SGMS1: variants seen among roughly 807,000 people sequenced by gnomAD.
The protein encoded by SGMS1 is sphingomyelin synthase 1.
A neutral mutation model predicts 46.2 loss-of-function variants in SGMS1; 13 were observed. That is an observed-to-expected ratio of 0.28 (90% CI 0.18 to 0.45). The LOEUF (loss-of-function observed/expected upper bound fraction) is 0.45, where lower values mean the gene tolerates loss of function less well. SGMS1 is among the 20% of genes least tolerant of loss of function. The probability of loss-of-function intolerance (pLI) is 1.00; values close to 1 mark genes in which losing one functional copy is unlikely to be tolerated. For synonymous variants in SGMS1, 203 were observed against 187.8 expected (o/e 1.08, Z -0.66); for missense variants, 324 against 519.9 (o/e 0.62, Z 3.66).
At chr10:50,617,311 C>G (rs1838807509) in intron 1 of SGMS1, among the ~76,000 whole-genome samples, 2 of 152,010 alleles carry the variant, frequency 1.3e-5, no homozygotes, top group African/African-American at 4.8e-5. Flanking sequence ...ATGAAAGGAA[C>G]CAGACACAAA....
intron 2 of SGMS1, among the ~76,000 whole-genome samples, chr10:50,569,151 G>C (rs536719354): frequency 6.6e-6 from 1 of 151,982 alleles, no homozygotes; most frequent in South Asian, 2.1e-4. Context: ...GGGGCCTGTC[G>C]GGGGGTGGGA....
At chr10:50,435,106 G>A (rs1326193469) in intron 5 of SGMS1, among the ~76,000 whole-genome samples, 1 of 152,156 alleles carries the variant, frequency 6.6e-6, no homozygotes, top group Non-Finnish European at 1.5e-5. Context: ...CTCTTTACAT[G>A]AATGAGAAAC....
At chr10:50,467,215 T>C (rs1837338422) in intron 3 of SGMS1, among the ~76,000 whole-genome samples, 1 of 152,092 alleles carries the variant, frequency 6.6e-6, no homozygotes, top group South Asian at 2.1e-4. Context: ...TTTAAAACCA[T>C]GGACCTTTAT....
chr10:50,604,138 T>TAAG (rs1838673056), intron 1 of SGMS1, among the ~76,000 whole-genome samples: 1 of 152,254 alleles, frequency 6.6e-6, no homozygotes, highest in East Asian at 1.9e-4. Flanking sequence ...CTGCACAGTC[T>TAAG]AAGCTCTGAT....
intron 1 of SGMS1, among the ~76,000 whole-genome samples, chr10:50,622,162 T>A (rs148486721): frequency 6.6e-6 from 1 of 152,280 alleles, no homozygotes; most frequent in Admixed American, 6.5e-5. Context: ...ACCTGCTGAA[T>A]CACCAAACAT....
chr10:50,472,955 C>T (rs187124809), intron 3 of SGMS1: 5 of 152,246 alleles, frequency 3.3e-5, no homozygotes, highest in Admixed American at 3.3e-4. Context: ...ATTCCCATCA[C>T]CTGGCTTAGA....
chr10:50,506,603 G>A (rs1837708951), intron 3 of SGMS1, among the ~76,000 whole-genome samples: 1 of 152,168 alleles, frequency 6.6e-6, no homozygotes, highest in Non-Finnish European at 1.5e-5. Context: ...AGGCAGCAAA[G>A]CAGAGCTGCC....
chr10:50,508,144 T>C (rs1405279446), intron 3 of SGMS1, among the ~76,000 whole-genome samples: 1 of 152,134 alleles, frequency 6.6e-6, no homozygotes, highest in Non-Finnish European at 1.5e-5. Context: ...ACTACAGTCG[T>C]TTATTCTGTG....
chr10:50,569,616 T>A (rs1056208189), intron 2 of SGMS1, among the ~76,000 whole-genome samples: 1 of 152,150 alleles, frequency 6.6e-6, no homozygotes. Context: ...TGGGGTAGAT[T>A]TCTTATCAGA....
chr10:50,615,539 T>A lies in SGMS1; in HGVS notation c.-684+8168A>T, dbSNP rs75742394. Among the ~76,000 whole-genome samples, 54 of 152,272 alleles carry A rather than the reference T, an allele frequency of 3.5e-4. 3 individuals carry two copies. In the East Asian group the frequency reaches 9.1e-3, roughly 26 times the overall value. On this transcript the variant is annotated intron_variant, in intron 1 of 10. Transcript: ENST00000361781. The stretch of plus-strand genomic sequence containing the variant: ...CAGCTTCTACACGATGAGGCTGAGA[T>A]CCAAACCCAGGGTCCAGGGTCAGGG...
At chr10:50,578,717 A>G (rs1311725089) in intron 2 of SGMS1, among the ~76,000 whole-genome samples, 1 of 152,160 alleles carries the variant, frequency 6.6e-6, no homozygotes, top group Admixed American at 6.5e-5. Flanking sequence ...TAAGACTTCT[A>G]TATTGATTTC....
chr10:50,390,022 C>T (rs747351540), intron 6 of SGMS1, among the ~76,000 whole-genome samples: 1 of 152,156 alleles, frequency 6.6e-6, no homozygotes, highest in Non-Finnish European at 1.5e-5. Context: ...CCATAATACC[C>T]ATTACTCCTG....
At chr10:50,476,559 A>G (rs1023429290) in intron 3 of SGMS1, among the ~76,000 whole-genome samples, 40 of 152,218 alleles carry the variant, frequency 2.6e-4, no homozygotes, top group Admixed American at 1.2e-3. Context: ...GAACGTTAAT[A>G]GCCAACACAA....
chr10:50,421,427 T>TC (rs1384095059), intron 6 of SGMS1, among the ~76,000 whole-genome samples: 1 of 152,116 alleles, frequency 6.6e-6, no homozygotes, highest in Non-Finnish European at 1.5e-5. Context: ...CAAATTCCAT[T>TC]CCCCACCTGA....
At position 50,380,378 on chromosome 10, in the gene SGMS1, C is replaced by CAA. The variant is rs10646459; in HGVS notation, c.-231-36035_-231-36034dup. Among the ~76,000 whole-genome samples, 21 of 121,512 alleles carry CAA rather than the reference C, an allele frequency of 1.7e-4. 1 individual carries two copies. Among genetic ancestry groups the CAA allele is most frequent in the African/African-American group, 4.2e-4 (14 of 33,426 alleles). The allele number at this position is 121,512 out of a possible 152,430, so 79.7% of individuals were successfully genotyped here. On this transcript the variant is annotated intron_variant, in intron 6 of 10. Transcript: ENST00000361781. ...TGGGCAACACAGTAAGACTCTGTATCAAAAAAAAAAAAAAAAATTCCTCTC... is the reference window on the plus strand; with the variant it reads ...TGGGCAACACAGTAAGACTCTGTATCAAAAAAAAAAAAAAAAAAATTCCTCTC...
chr10:50,583,333 G>A (rs11006213), intron 2 of SGMS1, among the ~76,000 whole-genome samples: 19,652 of 152,148 alleles, frequency 0.13, 1,666 homozygotes, highest in Non-Finnish European at 0.19. Context: ...AATAATTAGT[G>A]TACCTCCCAG....
chr10:50,541,066 T>C (rs1384396568), intron 2 of SGMS1, among the ~76,000 whole-genome samples: 1 of 152,182 alleles, frequency 6.6e-6, no homozygotes, highest in African/African-American at 2.4e-5. Context: ...ATACATTCAA[T>C]TAGAAACTCC....
At position 50,550,339 on chromosome 10, in the gene SGMS1, AC is replaced by A. The variant is rs557838231; in HGVS notation, c.-588-30419del. On this transcript the variant is annotated intron_variant, in intron 2 of 10. Transcript: ENST00000361781. ...GCCTCTTTTCATTACCTCACCAAGCACCCATTTCCAAATTTCCCAATGAAGC... is the reference window on the plus strand; with the variant it reads ...GCCTCTTTTCATTACCTCACCAAGCACCATTTCCAAATTTCCCAATGAAGC... Among the ~76,000 whole-genome samples the A allele has an allele frequency of 2.4e-3, 363 of 152,286 alleles. 5 individuals are homozygous for A. Among genetic ancestry groups the A allele is most frequent in the Admixed American group, 0.02 (313 of 15,290 alleles).
chr10:50,453,798 G>A (rs1240784383), intron 5 of SGMS1, among the ~76,000 whole-genome samples: 1 of 19,778 alleles, frequency 5.1e-5, no homozygotes, highest in Admixed American at 7.8e-4. Flanking sequence ...AGGGAGGGGA[G>A]AGGAAGGAGG....
Sources: allele counts gnomAD v4.1 joint callset (sites outside exome capture counted in the v4.1 genomes callset), GRCh38; gene constraint gnomAD v4.1.1; transcripts MANE v1.5; gene names NCBI Gene and HGNC (gene_info 2026-07-23, HGNC 2026-07-21).